The following PRKAR1B variants were observed in gnomAD, a reference collection of about 807,000 sequenced individuals.
PRKAR1B encodes the protein cAMP-dependent protein kinase type I-beta regulatory subunit.
Under a neutral mutation model 46.5 loss-of-function variants are expected in PRKAR1B, and 22 were observed. That is an observed-to-expected ratio of 0.47 (90% CI 0.34 to 0.68). The LOEUF (loss-of-function observed/expected upper bound fraction) is 0.68. Ranked by LOEUF, PRKAR1B falls within the 30% of genes least tolerant of loss-of-function variation. The probability of loss-of-function intolerance (pLI) is 0.01; values close to 1 mark genes in which losing one functional copy is unlikely to be tolerated. For missense variants in PRKAR1B, 445 were observed against 535.6 expected (o/e 0.83, Z 1.67); for synonymous variants, 259 against 217.7 (o/e 1.19, Z -1.67).
chr7:597,458 G>T (rs1781329366), intron 6 of PRKAR1B, among the ~76,000 whole-genome samples: 1 of 152,192 alleles, frequency 6.6e-6, no homozygotes, highest in African/African-American at 2.4e-5. Flanking sequence ...GGCCCACCAG[G>T]CTCCCCAGTT....
intron 9 of PRKAR1B, among the ~76,000 whole-genome samples, chr7:559,274 G>A (rs1200149636): frequency 6.6e-6 from 1 of 152,202 alleles, no homozygotes; most frequent in East Asian, 1.9e-4. Context: ...CAGCAAAGTG[G>A]CCTCTGAGCT....
At chr7:581,530 G>A (rs1780185138) in intron 8 of PRKAR1B, among the ~76,000 whole-genome samples, 1 of 152,154 alleles carries the variant, frequency 6.6e-6, no homozygotes, top group Admixed American at 6.5e-5. Context: ...AGTAATACGA[G>A]GCATCTCATT....
intron 4 of PRKAR1B, among the ~76,000 whole-genome samples, chr7:649,638 C>T (rs984692933): frequency 8.6e-5 from 13 of 152,006 alleles, no homozygotes; most frequent in Admixed American, 7.9e-4. Flanking sequence ...ATTGCAGTGA[C>T]GACCCTGGGT....
At chr7:650,876 C>G (rs1177098385) in intron 4 of PRKAR1B, among the ~76,000 whole-genome samples, 1 of 152,232 alleles carries the variant, frequency 6.6e-6, no homozygotes, top group East Asian at 1.9e-4. Context: ...CCTGCCCGTG[C>G]TGGCGGATGC....
At chr7:716,281 T>C (rs6463523) in intron 1 of PRKAR1B, among the ~76,000 whole-genome samples, 49,370 of 149,518 alleles carry the variant, frequency 0.33, 8,298 homozygotes, top group South Asian at 0.46. Context: ...TAGTCTCGAA[T>C]TCCTGGCCTC....
chr7:550,701 G>A (rs1167361445), intron 10 of PRKAR1B, 99 bp from the exon 11 acceptor site: 7 of 1,026,670 alleles, frequency 6.8e-6, no homozygotes, highest in Non-Finnish European at 9.6e-6. Context: ...TCCCTTTTAA[G>A]GATAGGATGT....
intron 1 of PRKAR1B, chr7:726,538 C>T (rs1781290397): frequency 2.3e-6 from 1 of 428,794 alleles, no homozygotes; most frequent in Non-Finnish European, 3.9e-6. Flanking sequence ...GGCAGGCTGG[C>T]GGGGGTTCCG....
chr7:555,971 G>C (rs1344268863), intron 9 of PRKAR1B, among the ~76,000 whole-genome samples: 1 of 152,222 alleles, frequency 6.6e-6, no homozygotes, highest in South Asian at 2.1e-4. Context: ...GACTCAGCCA[G>C]GTACAAGCCG....
intron 4 of PRKAR1B, among the ~76,000 whole-genome samples, chr7:618,299 T>C (rs1782942747): frequency 6.6e-6 from 1 of 152,148 alleles, no homozygotes; most frequent in Non-Finnish European, 1.5e-5. Context: ...TATTCCAACA[T>C]CTTTTCTTTA....
At chr7:715,918 T>C (rs988559004) in intron 1 of PRKAR1B, among the ~76,000 whole-genome samples, 2 of 152,130 alleles carry the variant, frequency 1.3e-5, no homozygotes, top group Admixed American at 6.5e-5. Context: ...GGTTTCACCG[T>C]GTTAGCCAGG....
In PRKAR1B at chr7:666,230, C is replaced by A. The variant is rs1470232352; in HGVS notation, c.440+10999G>T. ...CACTCCCCAAGGCCTGGGACACACG[C>A]TCCAGGGACAGCCTTCATGGTCCTG... On this transcript the variant is annotated intron_variant, in intron 4 of 10. Transcript: ENST00000537384. This position sits in a 1 kb window ranked among gnomAD's most constrained non-coding sequence, Gnocchi z 4.9. Among the ~76,000 whole-genome samples the A allele has an allele frequency of 7.7e-6, 1 of 130,120 alleles. No homozygotes were observed. Among genetic ancestry groups the A allele is most frequent in the Admixed American group, 7.0e-5 (1 of 14,272 alleles). The allele number at this position is 130,120 out of a possible 152,430, so 85.4% of individuals were successfully genotyped here. A position where few individuals can be genotyped will look rare whatever the true frequency, so the allele number is the denominator to read the frequency against.
At position 636,439 on chromosome 7, in the gene PRKAR1B, CGCCCTCACGTCCTCCACCGGACTGT is replaced by C. The variant is rs774725532; in HGVS notation, c.441-29012_441-28988del. On this transcript the variant is annotated intron_variant, in intron 4 of 10. Transcript: ENST00000537384. ...GCGCCCACACGTCCTCCACCGGCCG[CGCCCTCACGTCCTCCACCGGACTGT>C]GCCCACTGTGCCCACCGGATGCTGG... Among the ~76,000 whole-genome samples, 231 of 80,070 alleles carry C rather than the reference CGCCCTCACGTCCTCCACCGGACTGT, an allele frequency of 2.9e-3. 2 individuals are homozygous for C. Among genetic ancestry groups the C allele is most frequent in the African/African-American group, 7.5e-3 (190 of 25,232 alleles). The allele number at this position is 80,070 out of a possible 152,430, so 52.5% of individuals were successfully genotyped here. A position where few individuals can be genotyped will look rare whatever the true frequency, so the allele number is the denominator to read the frequency against.
At chr7:583,246 G>A (rs1037325757) in intron 8 of PRKAR1B, among the ~76,000 whole-genome samples, 1 of 152,114 alleles carries the variant, frequency 6.6e-6, no homozygotes, top group African/African-American at 2.4e-5. Flanking sequence ...AGACCCGCAC[G>A]CTCCTTTCTC....
intron 4 of PRKAR1B, among the ~76,000 whole-genome samples, chr7:633,126 C>G (rs150246133): frequency 6.6e-6 from 1 of 152,252 alleles, no homozygotes; most frequent in South Asian, 2.1e-4. Context: ...AAACCCTTCA[C>G]GCTGTCAAAA....
Position 560,658 on chromosome 7 carries a change from A to C in PRKAR1B, c.892-9188T>G, listed in dbSNP as rs551802007. 3.0e-4 allele frequency among the ~76,000 whole-genome samples: 46 copies of C among 152,318 alleles called. No individual in the cohort carries two copies. Among genetic ancestry groups the C allele is most frequent in the African/African-American group, 1.1e-3 (46 of 41,564 alleles). On this transcript the variant is annotated intron_variant, in intron 9 of 10. Transcript: ENST00000537384. This position sits in a 1 kb window ranked among gnomAD's most constrained non-coding sequence, Gnocchi z 4.2. Reference sequence around the variant, plus strand: ...TCCAGCCTCAGCTCTGCAATGCACCAGCCAGTCTCAGGCAAGGCCCATAGC... The same window carrying C: ...TCCAGCCTCAGCTCTGCAATGCACCCGCCAGTCTCAGGCAAGGCCCATAGC...
chr7:719,774 C>T (rs970161009), intron 1 of PRKAR1B, among the ~76,000 whole-genome samples: 4 of 152,152 alleles, frequency 2.6e-5, no homozygotes, highest in Non-Finnish European at 5.9e-5. Flanking sequence ...CCTAGTGACC[C>T]TTAATAATCA....
At position 705,765 on chromosome 7, in the gene PRKAR1B, G is replaced by A. The variant is rs541811183; in HGVS notation, c.177+5564C>T. On this transcript the variant is annotated intron_variant, in intron 2 of 10. Transcript: ENST00000537384. ...AGATGAGGCGGGCACTGTGGCTCAC[G>A]TCTCTAATCCCAACACACTGGGAGG... Among the ~76,000 whole-genome samples, 7 of 151,952 alleles carry A rather than the reference G, an allele frequency of 4.6e-5. No individual in the cohort carries two copies. The South Asian group carries it at 8.3e-4, about 18-fold the overall frequency.
chr7:671,517 G>A (rs1025817258), intron 4 of PRKAR1B, among the ~76,000 whole-genome samples: 1 of 152,110 alleles, frequency 6.6e-6, no homozygotes, highest in Non-Finnish European at 1.5e-5. Flanking sequence ...AGAGTGTAGC[G>A]ACACAATCTC....
intron 4 of PRKAR1B, among the ~76,000 whole-genome samples, chr7:651,558 CCT>C (rs1021800724): frequency 9.9e-5 from 15 of 151,776 alleles, no homozygotes; most frequent in South Asian, 2.1e-4. Context: ...TGGGAAACCC[CCT>C]GTCAGAAGAC....
Sources: gnomAD v4.1 joint callset for allele counts (sites outside exome capture counted in the v4.1 genomes callset) on GRCh38, gnomAD v4.1.1 for gene constraint, Gnocchi (gnomAD v3.1) non-coding constraint, MANE v1.5 for transcripts, NCBI Gene and HGNC (gene_info 2026-07-23, HGNC 2026-07-21) for gene names.